CALCR: variants seen among roughly 807,000 people sequenced by gnomAD.
CALCR encodes the protein calcitonin receptor.
CALCR carries 47 observed loss-of-function variants against 59.5 expected under a neutral mutation model. The ratio of observed to expected loss-of-function variants is 0.79; its 90% CI spans 0.63 to 1.01. The LOEUF (loss-of-function observed/expected upper bound fraction) is 1.01. Ranked by LOEUF, CALCR falls within the 50% of genes least tolerant of loss-of-function variation. The probability of loss-of-function intolerance (pLI) is 0.00; values close to 1 mark genes in which losing one functional copy is unlikely to be tolerated. For missense variants in CALCR, 566 were observed against 597.1 expected (o/e 0.95, Z 0.54); for synonymous variants, 213 against 211.3 (o/e 1.01, Z -0.07).
chr7:93,548,766 G>C (rs1789364760), intron 2 of CALCR, among the ~76,000 whole-genome samples: 1 of 150,822 alleles, frequency 6.6e-6, no homozygotes, highest in South Asian at 2.1e-4. Context: ...GGAATTATTA[G>C]AATTCATAAT....
chr7:93,466,979 A>G (rs1800453335), intron 7 of CALCR, among the ~76,000 whole-genome samples: 1 of 151,762 alleles, frequency 6.6e-6, no homozygotes, highest in Admixed American at 6.6e-5. Context: ...TGCCTTTGAC[A>G]TTATTACCTT....
chr7:93,513,103 A>G (rs943371204), intron 2 of CALCR, among the ~76,000 whole-genome samples: 5 of 152,170 alleles, frequency 3.3e-5, no homozygotes, highest in African/African-American at 1.2e-4. Context: ...TCTGCACTCT[A>G]GAAAGCCTGG....
intron 13 of CALCR, among the ~76,000 whole-genome samples, chr7:93,428,845 A>G (rs1174639679): frequency 6.6e-6 from 1 of 152,026 alleles, no homozygotes; most frequent in Non-Finnish European, 1.5e-5. Context: ...TCTCTTAAAT[A>G]CCAAGATTAT....
chr7:93,530,618 C>T (rs1345853271), intron 2 of CALCR, among the ~76,000 whole-genome samples: 4 of 152,100 alleles, frequency 2.6e-5, no homozygotes, highest in Non-Finnish European at 5.9e-5. Flanking sequence ...ATTAGTCACA[C>T]AGATGCTGGT....
intron 2 of CALCR, among the ~76,000 whole-genome samples, chr7:93,534,312 C>G (rs904272009): frequency 1.3e-5 from 2 of 151,670 alleles, no homozygotes; most frequent in African/African-American, 4.8e-5. Context: ...GATTAAGGAG[C>G]AAGTCCAAAA....
intron 2 of CALCR, among the ~76,000 whole-genome samples, chr7:93,543,091 C>G (rs1339710362): frequency 2.6e-5 from 4 of 151,958 alleles, no homozygotes; most frequent in African/African-American, 7.3e-5. Context: ...ATTGTATATG[C>G]CACATTTTTT....
chr7:93,488,232 C>T (rs1260293831), intron 2 of CALCR, among the ~76,000 whole-genome samples: 2 of 151,706 alleles, frequency 1.3e-5, no homozygotes, highest in African/African-American at 4.8e-5. Flanking sequence ...ACCATTTGGT[C>T]TGCCTTGCAA....
intron 2 of CALCR, among the ~76,000 whole-genome samples, chr7:93,543,304 C>T (rs553499062): frequency 2.5e-4 from 38 of 152,196 alleles, no homozygotes; most frequent in African/African-American, 8.4e-4. Context: ...ACCATGGCAA[C>T]TGGCTAATTT....
chr7:93,555,239 T>C (rs780368912), intron 2 of CALCR, among the ~76,000 whole-genome samples: 15 of 152,108 alleles, frequency 9.9e-5, no homozygotes, highest in Non-Finnish European at 1.6e-4. Context: ...TAAAAGGAGG[T>C]CAGGGTTTGA....
At chr7:93,513,500 A>C (rs958510823) in intron 2 of CALCR, among the ~76,000 whole-genome samples, 1 of 151,938 alleles carries the variant, frequency 6.6e-6, no homozygotes, top group African/African-American at 2.4e-5. Context: ...TTCATTCTTA[A>C]TGTTTCTGTA....
chr7:93,559,067 AC>A (rs1789679351), intron 2 of CALCR, among the ~76,000 whole-genome samples: 1 of 151,758 alleles, frequency 6.6e-6, no homozygotes, highest in Non-Finnish European at 1.5e-5. Flanking sequence ...AATAACAACA[AC>A]AAAAAAAATT....
intron 2 of CALCR, among the ~76,000 whole-genome samples, chr7:93,526,526 A>G (rs1801881023): frequency 6.6e-6 from 1 of 151,998 alleles, no homozygotes; most frequent in South Asian, 2.1e-4. Flanking sequence ...ATTTATATGT[A>G]TATTATGATT....
chr7:93,438,961 T>C (rs187287807), intron 9 of CALCR, among the ~76,000 whole-genome samples: 21 of 152,174 alleles, frequency 1.4e-4, no homozygotes, highest in African/African-American at 4.6e-4. Context: ...TTGCAATACG[T>C]CCTTCCAGAT....
chr7:93,504,521 C>G (rs1048431143), intron 2 of CALCR, among the ~76,000 whole-genome samples: 3 of 152,102 alleles, frequency 2.0e-5, no homozygotes, highest in Non-Finnish European at 4.4e-5. Context: ...GTATGTAAAA[C>G]CTGTGATCTG....
At chr7:93,487,725 G>A (rs966561578) in intron 2 of CALCR, among the ~76,000 whole-genome samples, 2 of 151,450 alleles carry the variant, frequency 1.3e-5, no homozygotes, top group African/African-American at 4.8e-5. Flanking sequence ...CTTTTCATCA[G>A]TGGGAGTTGT....
At chr7:93,521,271 C>T (rs1258488796) in intron 2 of CALCR, among the ~76,000 whole-genome samples, 1 of 152,090 alleles carries the variant, frequency 6.6e-6, no homozygotes, top group African/African-American at 2.4e-5. Flanking sequence ...TGGCCCAGAT[C>T]ACAGAGGTCA....
intron 2 of CALCR, among the ~76,000 whole-genome samples, chr7:93,524,230 CAT>C: frequency 6.7e-6 from 1 of 149,250 alleles, no homozygotes; most frequent in South Asian, 2.1e-4. Flanking sequence ...AGTGCAGTGG[CAT>C]GATCTCAGCT....
At chr7:93,571,608 A>T (rs1252370413) in intron 2 of CALCR, among the ~76,000 whole-genome samples, 1 of 152,154 alleles carries the variant, frequency 6.6e-6, no homozygotes, top group African/African-American at 2.4e-5. Flanking sequence ...AACTTATATT[A>T]TCTCTAAATA....
rs1020792579 is a variant in CALCR at position 93,524,164 on chromosome 7, A to AT, written c.-26-37158dup. On this transcript the variant is annotated intron_variant, in intron 2 of 13. Coordinates refer to ENST00000426151, the MANE Select transcript of CALCR (RefSeq NM_001742.4). ...TTAATTTTTGGTCAATTTATTTACT[A>AT]TTTTTTTTTCTTTTTTTTTTTTTTG... Among the ~76,000 whole-genome samples the AT allele has an allele frequency of 2.2e-4, 32 of 144,160 alleles. 1 individual carries two copies. The East Asian group carries it at 3.0e-3, about 14-fold the overall frequency. 94.6% of individuals were successfully genotyped at this position (144,160 alleles called of 152,430 possible).
Sources: gnomAD v4.1 joint callset for allele counts (sites outside exome capture counted in the v4.1 genomes callset) on GRCh38, gnomAD v4.1.1 for gene constraint, MANE v1.5 for transcripts, NCBI Gene and HGNC (gene_info 2026-07-23, HGNC 2026-07-21) for gene names.